Variants in GBP4 observed in about 807,000 individuals in gnomAD.
GBP4 encodes guanylate-binding protein 4.
A neutral mutation model predicts 62.2 loss-of-function variants in GBP4; 69 were observed. The ratio of observed to expected loss-of-function variants is 1.11; its 90% CI spans 0.91 to 1.36. The LOEUF (loss-of-function observed/expected upper bound fraction) is 1.36. GBP4 is among the 40% of genes most tolerant of loss of function. GBP4 has a pLI of 0.00. For synonymous variants in GBP4, 278 were observed against 274.6 expected (o/e 1.01, Z -0.12); for missense variants, 697 against 759.3 (o/e 0.92, Z 0.96).
In GBP4 at chr1:89,185,074, A is replaced by T; in HGVS notation, c.*180T>A. 2.1e-6 allele frequency: 1 copy of T among 482,306 alleles called. No individual in the cohort carries two copies. Among genetic ancestry groups the T allele is most frequent in the Non-Finnish European group, 3.7e-6 (1 of 272,766 alleles). The allele number at this position is 482,306 out of a possible 1,614,324, so 29.9% of individuals were successfully genotyped here. A position where few individuals can be genotyped will look rare whatever the true frequency, so the allele number is the denominator to read the frequency against. ...TTTATAAATTATTAGTTCAATCAAA[A>T]TTAAGTTTGTTTTTTGTGGATGTCA... On this transcript the variant is annotated 3_prime_UTR_variant, in exon 11 of 11. Transcript: ENST00000355754.
At chr1:89,187,602 A>T (rs1324857521) in intron 8 of GBP4, among the ~76,000 whole-genome samples, 4 of 152,206 alleles carry the variant, frequency 2.6e-5, no homozygotes, top group Non-Finnish European at 5.9e-5. Flanking sequence ...AATATCTAAA[A>T]TACAAAAGGA....
rs776395231 is a variant in GBP4 at position 89,186,484 on chromosome 1, A to G, written c.1556T>C (p.Leu519Pro). ...CTGCTCCTTCTGTTTTTCTCTTAGC[A>G]GCTCCTGTTCCTTCTCAGCTGCTTC... Reference protein sequence around the residue: ...MKEAAEKEQELLREKQKEQQQ... With the variant: ...MKEAAEKEQEPLREKQKEQQQ... The change falls in exon 10 of 11, where the codon CTG becomes CCG. Residue 519 changes from leucine to proline, a missense_variant. This residue lies in a region of GBP4 where 141 missense variants were observed against 196.6 expected (regional missense o/e 0.72). Coordinates refer to ENST00000355754, the MANE Select transcript of GBP4 (RefSeq NM_052941.5). 2 of 1,614,090 alleles carry G rather than the reference A, an allele frequency of 1.2e-6. No homozygotes were observed. The highest frequency in any genetic ancestry group is 8.5e-7 in the Non-Finnish European group (1 of 1,180,030).
intron 5 of GBP4, 33 bp from the exon 6 acceptor site, chr1:89,191,539 G>C: frequency 6.3e-7 from 1 of 1,599,092 alleles, no homozygotes; most frequent in East Asian, 2.2e-5. Context: ...GCTCATTGAA[G>C]AGACAGCCTG....
At chr1:89,187,452 C>T (rs1395821880) in intron 8 of GBP4, among the ~76,000 whole-genome samples, 1 of 152,132 alleles carries the variant, frequency 6.6e-6, no homozygotes, top group Non-Finnish European at 1.5e-5. Flanking sequence ...ATCAAAAGCA[C>T]AGGCAACAAG....
In GBP4 at chr1:89,183,792, A is replaced by T. The variant is rs1471182652; in HGVS notation, c.*1462T>A. On this transcript the variant is annotated 3_prime_UTR_variant, in exon 11 of 11. Transcript: ENST00000355754. Reference sequence around the variant, plus strand: ...CTATGTGGGGGGTTGAGGTGAAAGGACTGCTTGAGCCTGGGAGGTTGAGGC... The same window carrying T: ...CTATGTGGGGGGTTGAGGTGAAAGGTCTGCTTGAGCCTGGGAGGTTGAGGC... The T allele has an allele frequency of 6.6e-6, 1 of 152,292 alleles. No individual in the cohort carries two copies. The highest frequency in any genetic ancestry group is 6.5e-5 in the Admixed American group (1 of 15,290). The allele number at this position is 152,292 out of a possible 1,614,324, so 9.4% of individuals were successfully genotyped here.
intron 7 of GBP4, 33 bp downstream of exon 7, chr1:89,190,005 G>T: frequency 6.3e-7 from 1 of 1,575,670 alleles, no homozygotes; most frequent in Non-Finnish European, 8.6e-7. Flanking sequence ...TTTCGGAAGG[G>T]CAGAAATCAG....
At chr1:89,198,185 CG>C (rs891747626) in intron 1 of GBP4, among the ~76,000 whole-genome samples, 1 of 151,964 alleles carries the variant, frequency 6.6e-6, no homozygotes, top group East Asian at 1.9e-4. Flanking sequence ...GACACAAACG[CG>C]GGGGGCTCTG....
chr1:89,184,557 A>G lies in GBP4; in HGVS notation c.*697T>C, dbSNP rs1489186874. The stretch of plus-strand genomic sequence containing the variant: ...GATCATGTCCTCTGTAGCAATATGG[A>G]TGGAGCTGGAAGCCATTATCATAAG... On this transcript the variant is annotated 3_prime_UTR_variant, in exon 11 of 11. Transcript: ENST00000355754. The G allele has an allele frequency of 6.6e-5, 10 of 152,246 alleles. No homozygotes were observed. Among genetic ancestry groups the G allele is most frequent in the Non-Finnish European group, 1.2e-4 (8 of 68,048 alleles). 9.4% of individuals were successfully genotyped at this position (152,246 alleles called of 1,614,324 possible).
chr1:89,190,038 C>T lies in GBP4; in HGVS notation c.1197G>A (p.Val399=), dbSNP rs748258713. ...DENHEFQKKL[V]DTIEKKKGDF... is the part of the protein sequence containing the mutation. ...CAGGAAGGATAAATGCTAAAAGTAC[C>T]ACAAGCTTCTTCTGGAATTCATGGT... is the stretch of plus-strand genomic sequence containing the variant. Residue 399 remains valine, a splice_region_variant and synonymous_variant, in exon 7 of 11, where the codon GTG becomes GTA. Transcript: ENST00000355754. 8 of 1,604,676 alleles carry T rather than the reference C, an allele frequency of 5.0e-6. No homozygotes were observed. The highest frequency in any genetic ancestry group is 1.8e-4 in the Middle Eastern group (1 of 5,660).
chr1:89,185,380 G>A lies in GBP4; in HGVS notation c.1797C>T (p.Ser599=). The change falls in exon 11 of 11, where the codon AGC becomes AGT. Residue 599 remains serine, a synonymous_variant. Coordinates refer to ENST00000355754, the MANE Select transcript of GBP4 (RefSeq NM_052941.5). ...EINQLKEKIE[S]TKNEQLRLLK... is the part of the protein sequence containing the mutation. ...AGAGCCTTAACTGTTCATTTTTAGT[G>A]CTTTCAATTTTTTCTTTCAGTTGAT... 6.3e-7 allele frequency: 1 copy of A among 1,599,384 alleles called. No individual in the cohort carries two copies. Among genetic ancestry groups the A allele is most frequent in the Non-Finnish European group, 8.6e-7 (1 of 1,166,704 alleles).
rs1557477968 is a variant in GBP4, at chr1:89,198,846, C to T, written c.-12G>A. The T allele has an allele frequency of 3.1e-6, 5 of 1,613,558 alleles. No individual in the cohort carries two copies. Among genetic ancestry groups the T allele is most frequent in the Non-Finnish European group, 2.5e-6 (3 of 1,179,458 alleles). ...GTTCTCTCACCCATTGCTCTGTCCT[C>T]CTGCGCCTGGATCCTCGAGAAACGG... On this transcript the variant is annotated 5_prime_UTR_variant, in exon 1 of 11. Transcript: ENST00000355754.
rs1338073136 is a variant in GBP4 at position 89,183,136 on chromosome 1, C to T, written c.*2118G>A. On this transcript the variant is annotated 3_prime_UTR_variant, in exon 11 of 11. Coordinates refer to ENST00000355754, the MANE Select transcript of GBP4 (RefSeq NM_052941.5). ...GAACAAAAGGGGAGGCATCAAGTTA[C>T]CAAACCTCAAACCATACTACAGAGC... 1.3e-5 allele frequency: 2 copies of T among 152,172 alleles called. No individual in the cohort carries two copies. Among genetic ancestry groups the T allele is most frequent in the Non-Finnish European group, 2.9e-5 (2 of 68,034 alleles). 9.4% of individuals were successfully genotyped at this position (152,172 alleles called of 1,614,324 possible).
intron 7 of GBP4, among the ~76,000 whole-genome samples, chr1:89,189,698 A>G (rs1295013526): frequency 6.6e-6 from 1 of 152,258 alleles, no homozygotes; most frequent in African/African-American, 2.4e-5. Flanking sequence ...CAGAGCCTCT[A>G]TATGAAATCT....
rs116011862 is a variant in GBP4, at chr1:89,190,123, T to A, written c.1112A>T (p.His371Leu). Residue 371 changes from histidine (H) to leucine (L), a missense_variant, in exon 7 of 11, where the codon CAT becomes CTT. By Grantham distance (99) the His-to-Leu change is moderately conservative (BLOSUM62 -3). This residue lies in a region of GBP4 where 556 missense variants were observed against 562.7 expected (regional missense o/e 0.99). Transcript: ENST00000355754. ...AATGGCTTCCCTCTCACAGGCTGCA[T>A]GCACGTCCAGCAGCTCCTGGAGCGT... is the stretch of plus-strand genomic sequence containing the variant. ...TDTLQELLDV[H>L]AACEREAIAV... 57 of 1,614,162 alleles carry A rather than the reference T, an allele frequency of 3.5e-5. No individual in the cohort carries two copies. The African/African-American group carries it at 7.2e-4, about 20-fold the overall frequency.
chr1:89,193,879 G>T (rs1006245372), intron 3 of GBP4, among the ~76,000 whole-genome samples: 1 of 152,176 alleles, frequency 6.6e-6, no homozygotes, highest in Admixed American at 6.5e-5. Flanking sequence ...AGATAAACAT[G>T]TCAATATACA....
At chr1:89,191,723 G>A (rs968429845) in intron 5 of GBP4, among the ~76,000 whole-genome samples, 3 of 152,180 alleles carry the variant, frequency 2.0e-5, no homozygotes, top group Admixed American at 2.0e-4. Flanking sequence ...TGGAGAGGAA[G>A]GGAAGACATC....
At position 89,195,418 on chromosome 1, in the gene GBP4, G is replaced by A. The variant is rs567028572; in HGVS notation, c.242C>T (p.Pro81Leu). The change falls in exon 3 of 11, where the codon CCT becomes CTT. Residue 81 changes from proline to leucine, a missense_variant. Pro to Leu is a moderately conservative substitution (Grantham distance 98). Coordinates refer to ENST00000355754, the MANE Select transcript of GBP4 (RefSeq NM_052941.5). Reference protein sequence around the residue: ...NRLAGKRNGFPLGSTVQSETK... With the variant: ...NRLAGKRNGFLLGSTVQSETK... Reference sequence around the variant, plus strand: ...TTCAGACTGCACCGTGGAGCCCAGAGGGAAGCCTGCAGGGAAGAGGAAAAA... The same window carrying A: ...TTCAGACTGCACCGTGGAGCCCAGAAGGAAGCCTGCAGGGAAGAGGAAAAA... 56 of 1,613,770 alleles carry A rather than the reference G, an allele frequency of 3.5e-5. No individual in the cohort carries two copies. The highest frequency in any genetic ancestry group is 4.4e-5 in the Non-Finnish European group (52 of 1,179,794).
rs765528610 is a variant in GBP4, at chr1:89,191,476, A to G, written c.701T>C (p.Met234Thr). Reference protein sequence around the residue: ...GKNPKIQNSNMPRECIRHFFR... With the variant: ...GKNPKIQNSNTPRECIRHFFR... ...GAAATGCCTGATACACTCTCTAGGCATGTTTGAATTTTGAATTTTGGGATT... is the reference window on the plus strand; with the variant it reads ...GAAATGCCTGATACACTCTCTAGGCGTGTTTGAATTTTGAATTTTGGGATT... The change falls in exon 6 of 11, where the codon ATG (methionine) becomes ACG (threonine). Residue 234 changes from methionine to threonine, a missense_variant. Coordinates refer to ENST00000355754, the MANE Select transcript of GBP4 (RefSeq NM_052941.5). 26 of 1,613,430 alleles carry G rather than the reference A, an allele frequency of 1.6e-5. No homozygotes were observed. The South Asian group carries it at 2.3e-4, about 14-fold the overall frequency.
Position 89,185,303 on chromosome 1 carries a change from G to A in GBP4, c.1874C>T (p.Ala625Val), listed in dbSNP as rs138039084. The part of the protein sequence containing the change: ...SNIMIVTLPG[A>V]SKLLGVGTKY... ...TGTCCCTACTCCAAGTAGCTTGGAA[G>A]CCCCAGGTAGAGTGACAATCATTAT... The change falls in exon 11 of 11, where the codon GCT (alanine) becomes GTT (valine). Residue 625 changes from alanine (A) to valine (V), a missense_variant. Ala to Val is a moderately conservative substitution (Grantham distance 64). Around this residue, in one of 2 missense-constraint regions of GBP4, gnomAD observed 141 missense variants for 196.6 expected, o/e 0.72. Transcript: ENST00000355754. 1.5e-5 allele frequency: 24 copies of A among 1,613,496 alleles called. No individual in the cohort carries two copies. In the African/African-American group the frequency reaches 2.1e-4, roughly 14 times the overall value.
Sources: gnomAD v4.1 joint callset for allele counts (sites outside exome capture counted in the v4.1 genomes callset) on GRCh38, gnomAD v4.1.1 for gene constraint, gnomAD v4.1.1 regional missense constraint, MANE v1.5 for transcripts, NCBI Gene and HGNC (gene_info 2026-07-23, HGNC 2026-07-21) for gene names.